Variants in PTPRE observed in about 807,000 individuals in gnomAD.
PTPRE encodes the protein receptor-type tyrosine-protein phosphatase epsilon.
In PTPRE, 51 loss-of-function variants were observed where a neutral mutation model predicts 102.0. The ratio of observed to expected loss-of-function variants is 0.50; its 90% CI spans 0.40 to 0.63. PTPRE has a LOEUF of 0.63. PTPRE is among the 30% of genes least tolerant of loss of function. PTPRE has a pLI of 0.00. For missense variants in PTPRE, 752 were observed against 915.1 expected, an observed-to-expected ratio of 0.82 and a Z score of 2.30; for synonymous variants, 345 against 348.2, an observed-to-expected ratio of 0.99 and a Z score of 0.10.
intron 3 of PTPRE, among the ~76,000 whole-genome samples, chr10:128,041,378 G>C (rs1419215718): frequency 6.6e-6 from 1 of 152,118 alleles, no homozygotes; most frequent in Non-Finnish European, 1.5e-5. Flanking sequence ...GGCCGGGTGC[G>C]GTGGCTCATA....
chr10:127,958,677 T>G (rs1849572319), intron 1 of PTPRE, among the ~76,000 whole-genome samples: 1 of 152,072 alleles, frequency 6.6e-6, no homozygotes, highest in Admixed American at 6.6e-5. Flanking sequence ...TGGAATGCCT[T>G]TGGTTTTGGT....
chr10:128,070,221 C>A lies in PTPRE; in HGVS notation c.1144-80C>A. 6.8e-7 allele frequency: 1 copy of A among 1,480,424 alleles called. No homozygotes were observed. The highest frequency in any genetic ancestry group is 1.4e-5 in the South Asian group (1 of 73,860). 91.7% of individuals were successfully genotyped at this position (1,480,424 alleles called of 1,614,324 possible). ...AAAAGAGAAAAAGAAGAAAGCCGCCCTCTTTGGTCTGCCAAGCTCCACGTG... is the reference window on the plus strand; with the variant it reads ...AAAAGAGAAAAAGAAGAAAGCCGCCATCTTTGGTCTGCCAAGCTCCACGTG... On this transcript the variant is annotated intron_variant, in intron 13 of 20. Coordinates refer to ENST00000254667, the MANE Select transcript of PTPRE (RefSeq NM_006504.6). The surrounding 1 kb of genome is among the most constrained non-coding windows in gnomAD (Gnocchi z 4.8).
chr10:127,985,408 C>T (rs183629974), intron 2 of PTPRE, among the ~76,000 whole-genome samples: 1 of 150,948 alleles, frequency 6.6e-6, no homozygotes, highest in East Asian at 2.0e-4. Flanking sequence ...CATGGTGAAA[C>T]CCCGTCTCTA....
At chr10:128,002,810 C>T (rs1854103307) in intron 2 of PTPRE, among the ~76,000 whole-genome samples, 1 of 147,414 alleles carries the variant, frequency 6.8e-6, no homozygotes, top group African/African-American at 2.5e-5. Context: ...CTTCCCACCT[C>T]AGCCTCTCAA....
At chr10:128,051,260 T>G (rs574420883) in intron 6 of PTPRE, among the ~76,000 whole-genome samples, 3 of 151,922 alleles carry the variant, frequency 2.0e-5, no homozygotes, top group East Asian at 3.9e-4. Context: ...AGGGAGGGAG[T>G]CCAGGAATAG....
At chr10:128,044,705 TG>T (rs1469498175) in intron 3 of PTPRE, among the ~76,000 whole-genome samples, 1 of 152,212 alleles carries the variant, frequency 6.6e-6, no homozygotes, top group Non-Finnish European at 1.5e-5. Context: ...CCCTGACCTC[TG>T]TCCCACCCCG....
At chr10:128,004,294 C>T (rs752503320) in intron 2 of PTPRE, among the ~76,000 whole-genome samples, 6 of 151,628 alleles carry the variant, frequency 4.0e-5, no homozygotes, top group Non-Finnish European at 8.8e-5. Flanking sequence ...AGGTAAAATT[C>T]ACATAACATA....
intron 2 of PTPRE, among the ~76,000 whole-genome samples, chr10:128,034,549 T>C (rs1308043518): frequency 6.6e-6 from 1 of 152,042 alleles, no homozygotes; most frequent in Non-Finnish European, 1.5e-5. Context: ...GTCTTAAATT[T>C]TGCCAGTCAT....
At chr10:128,035,750 G>T (rs1847160688) in intron 2 of PTPRE, among the ~76,000 whole-genome samples, 1 of 152,242 alleles carries the variant, frequency 6.6e-6, no homozygotes, top group Non-Finnish European at 1.5e-5. Flanking sequence ...GCACTTTCGG[G>T]TTTGGTAGGG....
intron 1 of PTPRE, among the ~76,000 whole-genome samples, chr10:127,964,627 C>G (rs1238753790): frequency 6.6e-6 from 1 of 150,438 alleles, no homozygotes; most frequent in Admixed American, 6.6e-5. Context: ...AGATTTACTT[C>G]TGTATTAATA....
At chr10:128,059,507 A>G (rs1284710377) in intron 7 of PTPRE, among the ~76,000 whole-genome samples, 1 of 152,172 alleles carries the variant, frequency 6.6e-6, no homozygotes, top group African/African-American at 2.4e-5. Flanking sequence ...AAACACCACA[A>G]ACACAACCCA....
chr10:128,062,927 T>C, intron 9 of PTPRE, 156 bp from the exon 10 acceptor site: 1 of 1,344,310 alleles, frequency 7.4e-7, no homozygotes, highest in Non-Finnish European at 9.9e-7. Context: ...CCCCTACCGG[T>C]TCCGGAACGC....
In PTPRE at chr10:127,944,511, G is replaced by GATAAGTGGATGGATGA. The variant is rs1376095621; in HGVS notation, c.-31+37204_-31+37205insAAGTGGATGGATGAAT. On this transcript the variant is annotated intron_variant, in intron 1 of 20. Transcript: ENST00000254667. The surrounding 1 kb of genome is among the most constrained non-coding windows in gnomAD (Gnocchi z 4.2). ...GGATGGATGGATGGATGGATGGATG[G>GATAAGTGGATGGATGA]ATGGGTGGATGGATGGATAAATGGA... Among the ~76,000 whole-genome samples, 1 of 136,332 alleles carries GATAAGTGGATGGATGA rather than the reference G, an allele frequency of 7.3e-6. No homozygotes were observed. Among genetic ancestry groups the GATAAGTGGATGGATGA allele is most frequent in the Non-Finnish European group, 1.6e-5 (1 of 63,402 alleles). 89.4% of individuals were successfully genotyped at this position (136,332 alleles called of 152,430 possible). A position where few individuals can be genotyped will look rare whatever the true frequency, so the allele number is the denominator to read the frequency against.
intron 2 of PTPRE, among the ~76,000 whole-genome samples, chr10:127,989,617 G>A (rs1183640535): frequency 6.6e-6 from 1 of 152,184 alleles, no homozygotes; most frequent in Non-Finnish European, 1.5e-5. Flanking sequence ...AAAACAGTCG[G>A]CTCTCATTAC....
chr10:127,964,597 A>T (rs1208643537), intron 1 of PTPRE, among the ~76,000 whole-genome samples: 1 of 151,550 alleles, frequency 6.6e-6, no homozygotes, highest in South Asian at 2.1e-4. Context: ...AACTGTGGAC[A>T]ATTCTCAATT....
intron 1 of PTPRE, among the ~76,000 whole-genome samples, chr10:127,947,655 C>T (rs1848722744): frequency 1.3e-5 from 2 of 152,168 alleles, no homozygotes; most frequent in Admixed American, 6.5e-5. Context: ...AAGGAGGCCT[C>T]CTTTCCCTGG....
chr10:127,974,020 A>T (rs990472532), intron 1 of PTPRE, among the ~76,000 whole-genome samples: 1 of 152,164 alleles, frequency 6.6e-6, no homozygotes, highest in Non-Finnish European at 1.5e-5. Flanking sequence ...CACAGTCCAC[A>T]CTTAGCATGG....
At position 128,077,688 on chromosome 10, in the gene PTPRE, G is replaced by A. The variant is rs533670485; in HGVS notation, c.1797G>A (p.Gly599=). Residue 599 remains glycine, a synonymous_variant, in exon 19 of 21, where the codon GGG becomes GGA. Coordinates refer to ENST00000254667, the MANE Select transcript of PTPRE (RefSeq NM_006504.6). ...QFHFHGWPEI[G]IPAEGKGMID... The stretch of plus-strand genomic sequence containing the variant: ...ACTTCCACGGCTGGCCTGAGATCGG[G>A]ATTCCCGCCGAGGGCAAAGGCATGA... The A allele has an allele frequency of 3.1e-6, 5 of 1,613,906 alleles. No individual in the cohort carries two copies. Among genetic ancestry groups the A allele is most frequent in the East Asian group, 4.5e-5 (2 of 44,868 alleles).
In PTPRE at chr10:128,063,082, G is replaced by T; in HGVS notation, c.626-1G>T. On this transcript the variant is annotated splice_acceptor_variant, in intron 9 of 20. Coordinates refer to ENST00000254667, the MANE Select transcript of PTPRE (RefSeq NM_006504.6). LOFTEE classifies it high-confidence loss of function. ...ACTTCGAAATTGTCCTCTACACACAGGTCCCAAACAGGAAACGGTTAACGA... is the reference window on the plus strand; with the variant it reads ...ACTTCGAAATTGTCCTCTACACACATGTCCCAAACAGGAAACGGTTAACGA... The T allele has an allele frequency of 6.2e-7, 1 of 1,614,184 alleles. No homozygotes were observed. Among genetic ancestry groups the T allele is most frequent in the Non-Finnish European group, 8.5e-7 (1 of 1,180,040 alleles).
Sources: allele counts gnomAD v4.1 joint callset (sites outside exome capture counted in the v4.1 genomes callset), GRCh38; gene constraint gnomAD v4.1.1; non-coding constraint Gnocchi (gnomAD v3.1); transcripts MANE v1.5; gene names NCBI Gene and HGNC (gene_info 2026-07-23, HGNC 2026-07-21).